The following COL9A1 variants were observed in gnomAD, a reference collection of about 807,000 sequenced individuals.
COL9A1 encodes collagen alpha-1(IX) chain.
In COL9A1, 104 loss-of-function variants were observed where a neutral mutation model predicts 142.6. The ratio of observed to expected loss-of-function variants is 0.73; its 90% CI spans 0.62 to 0.86. The LOEUF (loss-of-function observed/expected upper bound fraction) is 0.86, where lower values mean the gene tolerates loss of function less well. COL9A1 is among the 40% of genes least tolerant of loss of function. The probability of loss-of-function intolerance (pLI) is 0.00; values close to 1 mark genes in which losing one functional copy is unlikely to be tolerated. For missense variants in COL9A1, 1,210 were observed against 1,176.6 expected, an observed-to-expected ratio of 1.03 and a Z score of -0.42; for synonymous variants, 466 against 396.0, an observed-to-expected ratio of 1.18 and a Z score of -2.10.
intron 15 of COL9A1, 87 bp downstream of exon 15, chr6:70,270,223 CAATT>C (rs1156913474): frequency 4.5e-5 from 58 of 1,297,868 alleles, no homozygotes; most frequent in Non-Finnish European, 1.9e-5. Flanking sequence ...GACAATGACT[CAATT>C]AATAGGAACT....
rs147915996 is a variant in COL9A1, at chr6:70,225,168, C to T, written c.2581+764G>A. Among the ~76,000 whole-genome samples the T allele has an allele frequency of 2.5e-4, 38 of 152,314 alleles. 1 individual carries two copies. In the South Asian group the frequency reaches 5.6e-3, roughly 22 times the overall value. On this transcript the variant is annotated intron_variant, in intron 37 of 37. Coordinates refer to ENST00000357250, the MANE Select transcript of COL9A1 (RefSeq NM_001851.6). ...CCACTGCCTCCCCACAATAAGAGAG[C>T]GTTTGCTGGAAAGTTGCGCATCATT...
intron 13 of COL9A1, 89 bp downstream of exon 13, chr6:70,271,976 T>G (rs1772429475): frequency 1.5e-6 from 2 of 1,323,512 alleles, no homozygotes; most frequent in African/African-American, 2.9e-5. Flanking sequence ...CACCACTGAG[T>G]AGACCGTTAG....
intron 10 of COL9A1, among the ~76,000 whole-genome samples, chr6:70,275,696 A>T (rs1772713830): frequency 2.6e-5 from 4 of 152,074 alleles, no homozygotes; most frequent in Admixed American, 2.0e-4. Context: ...ACACTTTCAG[A>T]TGCTGTCATT....
intron 5 of COL9A1, among the ~76,000 whole-genome samples, chr6:70,286,818 G>A (rs939568225): frequency 1.3e-5 from 2 of 152,144 alleles, no homozygotes; most frequent in Non-Finnish European, 2.9e-5. Flanking sequence ...CATATTTAAC[G>A]CAATACTGTA....
chr6:70,230,864 T>C (rs968322080), intron 36 of COL9A1, among the ~76,000 whole-genome samples: 3 of 152,224 alleles, frequency 2.0e-5, no homozygotes, highest in African/African-American at 7.2e-5. Flanking sequence ...CAAAGGCAGC[T>C]TTAGACTGTC....
intron 28 of COL9A1, among the ~76,000 whole-genome samples, chr6:70,251,353 T>C (rs1770929315): frequency 1.3e-5 from 2 of 152,058 alleles, no homozygotes; most frequent in Admixed American, 1.3e-4. Flanking sequence ...AAGACCAGCC[T>C]GGTCAACATA....
intron 20 of COL9A1, among the ~76,000 whole-genome samples, chr6:70,258,032 A>G (rs1771434615): frequency 6.6e-6 from 1 of 152,216 alleles, no homozygotes; most frequent in South Asian, 2.1e-4. Flanking sequence ...TGACATAAGA[A>G]TGACTCAGAG....
At position 70,301,968 on chromosome 6, in the gene COL9A1, G is replaced by A. The variant is rs761612538; in HGVS notation, c.88+33C>T. Reference sequence around the variant, plus strand: ...TGCCTGATCATTTCTGGGAATAAGTGATCTTTGAAAGTCTAGAAACTATGG... The same window carrying A: ...TGCCTGATCATTTCTGGGAATAAGTAATCTTTGAAAGTCTAGAAACTATGG... On this transcript the variant is annotated intron_variant, in intron 2 of 37. Coordinates refer to ENST00000357250, the MANE Select transcript of COL9A1 (RefSeq NM_001851.6). 1.7e-5 allele frequency: 27 copies of A among 1,553,374 alleles called. No homozygotes were observed. The South Asian group carries it at 2.1e-4, about 12-fold the overall frequency.
At chr6:70,273,052 T>C (rs1013527050) in intron 12 of COL9A1, among the ~76,000 whole-genome samples, 4 of 152,138 alleles carry the variant, frequency 2.6e-5, no homozygotes, top group Non-Finnish European at 5.9e-5. Context: ...ATACCAAGCA[T>C]CCCATGGAAT....
intron 5 of COL9A1, among the ~76,000 whole-genome samples, chr6:70,289,719 C>G (rs1389381558): frequency 6.6e-6 from 1 of 152,106 alleles, no homozygotes. Flanking sequence ...TTGTCAAAAA[C>G]AACTTAATAA....
At chr6:70,281,756 T>A (rs1022131540) in intron 7 of COL9A1, among the ~76,000 whole-genome samples, 12 of 151,944 alleles carry the variant, frequency 7.9e-5, no homozygotes, top group African/African-American at 2.9e-4. Context: ...GGAGGAGTTG[T>A]GGAAAAGGAA....
chr6:70,301,047 C>T (rs16868990), intron 2 of COL9A1, among the ~76,000 whole-genome samples: 7,979 of 152,164 alleles, frequency 0.052, 230 homozygotes, highest in Middle Eastern at 0.092. Context: ...ATCCTAACAT[C>T]TTAGAACTGG....
chr6:70,281,720 C>G (rs2127598046), intron 7 of COL9A1, among the ~76,000 whole-genome samples: 1 of 152,272 alleles, frequency 6.6e-6, no homozygotes, highest in Non-Finnish European at 1.5e-5. Context: ...CACTGGTTCT[C>G]ACCTCTGCAG....
At chr6:70,298,236 G>C (rs1773919257) in intron 4 of COL9A1, among the ~76,000 whole-genome samples, 1 of 152,192 alleles carries the variant, frequency 6.6e-6, no homozygotes, top group African/African-American at 2.4e-5. Flanking sequence ...CCCAATACCA[G>C]TGTGGACTGG....
At chr6:70,285,803 C>T (rs1184687046) in intron 5 of COL9A1, among the ~76,000 whole-genome samples, 1 of 152,244 alleles carries the variant, frequency 6.6e-6, no homozygotes, top group Admixed American at 6.5e-5. Flanking sequence ...TCCATTGTCT[C>T]AAGGAGAAAT....
chr6:70,259,965 T>A (rs1190933630), intron 20 of COL9A1, among the ~76,000 whole-genome samples: 1 of 151,898 alleles, frequency 6.6e-6, no homozygotes, highest in African/African-American at 2.4e-5. Flanking sequence ...GGCTCCAGTG[T>A]CTTTGGGGAT....
chr6:70,301,941 C>T (rs927835665), intron 2 of COL9A1, 60 bp downstream of exon 2: 3 of 1,356,250 alleles, frequency 2.2e-6, no homozygotes, highest in Admixed American at 1.9e-5. Flanking sequence ...CAGCCACAGC[C>T]CTGCCTGATC....
chr6:70,274,874 T>G, intron 10 of COL9A1, 102 bp from the exon 11 acceptor site: 1 of 878,466 alleles, frequency 1.1e-6, no homozygotes, highest in Non-Finnish European at 1.9e-6. Context: ...ACAGGATGGT[T>G]ACATAAGTAT....
At position 70,241,470 on chromosome 6, in the gene COL9A1, TA is replaced by T. The variant is rs758321327; in HGVS notation, c.1999-17del. 1.2e-6 allele frequency: 2 copies of T among 1,604,172 alleles called. No individual in the cohort carries two copies. The highest frequency in any genetic ancestry group is 1.7e-6 in the Non-Finnish European group (2 of 1,171,046). The stretch of plus-strand genomic sequence containing the variant: ...CGACTACACCCTGTAATAAATAAAA[TA>T]TAATACTTTTTCAGTATTTTCAACT... On this transcript the variant is annotated splice_polypyrimidine_tract_variant and intron_variant, in intron 30 of 37. Transcript: ENST00000357250.
Sources: allele counts gnomAD v4.1 joint callset (sites outside exome capture counted in the v4.1 genomes callset), GRCh38; gene constraint gnomAD v4.1.1; transcripts MANE v1.5; gene names NCBI Gene and HGNC (gene_info 2026-07-23, HGNC 2026-07-21).